Variants in AAK1 observed in about 807,000 individuals in gnomAD.
AAK1 encodes AP2-associated protein kinase 1.
A neutral mutation model predicts 116.0 loss-of-function variants in AAK1; 37 were observed. That is an observed-to-expected ratio of 0.32 (90% CI 0.25 to 0.42). The LOEUF (loss-of-function observed/expected upper bound fraction) is 0.42, where lower values mean the gene tolerates loss of function less well. AAK1 is among the 10% of genes least tolerant of loss of function. The probability of loss-of-function intolerance (pLI) is 1.00; values close to 1 mark genes in which losing one functional copy is unlikely to be tolerated. For missense variants in AAK1, 919 were observed against 1,170.6 expected (o/e 0.79, Z 3.14); for synonymous variants, 458 against 439.9 (o/e 1.04, Z -0.51).
chr2:69,479,065 A>G lies in AAK1; in HGVS notation c.2570-4T>C. On this transcript the variant is annotated splice_polypyrimidine_tract_variant and splice_region_variant and intron_variant, in intron 19 of 21. Transcript: ENST00000409085. ...GAATCTTCCCCGGTGAGAGAATCTG[A>G]GTCCAGATTAACAGCATCCCAGGTC... 1 of 1,589,756 alleles carries G rather than the reference A, an allele frequency of 6.3e-7. No homozygotes were observed. The highest frequency in any genetic ancestry group is 8.6e-7 in the Non-Finnish European group (1 of 1,157,864).
rs192555992 is a variant in AAK1, at chr2:69,552,746, T to C, written c.282+4114A>G. ...AAAAAAAAAAACTCAAAATGGCTCA[T>C]AGGTTTAAATGTAAGACTATAAAAC... On this transcript the variant is annotated intron_variant, in intron 3 of 21. Transcript: ENST00000409085. 7.8e-4 allele frequency among the ~76,000 whole-genome samples: 118 copies of C among 151,416 alleles called. 1 individual carries two copies. Among genetic ancestry groups the C allele is most frequent in the Non-Finnish European group, 1.2e-3 (83 of 67,866 alleles).
At chr2:69,554,433 A>G (rs555199924) in intron 3 of AAK1, among the ~76,000 whole-genome samples, 3 of 152,252 alleles carry the variant, frequency 2.0e-5, no homozygotes, top group Non-Finnish European at 4.4e-5. Context: ...GTTACATAGG[A>G]AAGGCATAGG....
rs1480733344 is a variant in AAK1, at chr2:69,514,533, C to T, written c.1714G>A (p.Gly572Arg). The part of the protein sequence containing the change: ...ALQQKPTMAA[G>R]QQPQPQPAAA... ...GCTGGCTGTGGCTGGGGCTGCTGTC[C>T]TGCTGCCATAGTGGGCTTTTGCTGC... The change falls in exon 13 of 22, where the codon GGA becomes AGA. Residue 572 changes from glycine (G) to arginine (R), a missense_variant. Around this residue, in one of 4 missense-constraint regions of AAK1, gnomAD observed 214 missense variants for 210.6 expected, o/e 1.02. Coordinates refer to ENST00000409085, the MANE Select transcript of AAK1 (RefSeq NM_014911.5). 6.4e-7 allele frequency: 1 copy of T among 1,551,920 alleles called. No homozygotes were observed. Among genetic ancestry groups the T allele is most frequent in the Non-Finnish European group, 8.7e-7 (1 of 1,147,344 alleles).
At chr2:69,491,538 A>G (rs1447758803) in intron 17 of AAK1, among the ~76,000 whole-genome samples, 2 of 152,218 alleles carry the variant, frequency 1.3e-5, no homozygotes, top group African/African-American at 2.4e-5. Context: ...CCATAGTTTG[A>G]CAATCACTGT....
intron 5 of AAK1, among the ~76,000 whole-genome samples, chr2:69,538,740 C>A (rs773424181): frequency 5.9e-5 from 9 of 151,978 alleles, no homozygotes; most frequent in Non-Finnish European, 1.2e-4. Context: ...AAATTAGCCA[C>A]GCGTGGTGGC....
chr2:69,624,422 T>C (rs189127194), intron 2 of AAK1, among the ~76,000 whole-genome samples: 26 of 152,362 alleles, frequency 1.7e-4, no homozygotes, highest in African/African-American at 5.8e-4. Context: ...CTGCAATCTA[T>C]TGCTAAGTGA....
At chr2:69,591,475 A>T (rs1673020548) in intron 2 of AAK1, among the ~76,000 whole-genome samples, 1 of 152,096 alleles carries the variant, frequency 6.6e-6, no homozygotes, top group Non-Finnish European at 1.5e-5. Flanking sequence ...TTCTAGAGCC[A>T]ACGGGGTTAA....
At chr2:69,513,224 A>C (rs1365218758) in intron 13 of AAK1, among the ~76,000 whole-genome samples, 2 of 152,254 alleles carry the variant, frequency 1.3e-5, no homozygotes, top group Admixed American at 6.5e-5. Flanking sequence ...GACTTAAAGA[A>C]GACAATCTAC....
In AAK1 at chr2:69,466,199, C is replaced by T; in HGVS notation, c.*9670G>A. On this transcript the variant is annotated 3_prime_UTR_variant, in exon 22 of 22. Coordinates refer to ENST00000409085, the MANE Select transcript of AAK1 (RefSeq NM_014911.5). ...GGTTCTTTCTTCCACCTTGCACTGT[C>T]TTTGCTTGCTCAGGAGAGACTTCTG... 7.8e-7 allele frequency: 1 copy of T among 1,289,830 alleles called. No homozygotes were observed. Among genetic ancestry groups the T allele is most frequent in the Non-Finnish European group, 1.0e-6 (1 of 988,878 alleles). The allele number at this position is 1,289,830 out of a possible 1,614,324, so 79.9% of individuals were successfully genotyped here.
intron 10 of AAK1, 96 bp downstream of exon 10, chr2:69,524,937 T>G: frequency 2.4e-6 from 3 of 1,227,460 alleles, no homozygotes; most frequent in Non-Finnish European, 3.6e-6. Context: ...CAGCCCCTGG[T>G]CATGACAGCA....
chr2:69,547,726 AC>A (rs775898329), intron 3 of AAK1, among the ~76,000 whole-genome samples: 28 of 152,332 alleles, frequency 1.8e-4, no homozygotes, highest in Non-Finnish European at 3.8e-4. Context: ...TTATCATATG[AC>A]CTAGCAATTT....
intron 2 of AAK1, among the ~76,000 whole-genome samples, chr2:69,572,061 G>A (rs1172376941): frequency 1.3e-5 from 2 of 152,196 alleles, no homozygotes; most frequent in African/African-American, 2.4e-5. Context: ...AAGAAGGTAA[G>A]TTTCCAAGAA....
chr2:69,531,939 T>A, intron 6 of AAK1, 102 bp downstream of exon 6: 1 of 1,516,462 alleles, frequency 6.6e-7, no homozygotes, highest in Non-Finnish European at 9.0e-7. Context: ...GACAACTGAC[T>A]ATCACCATTC....
At chr2:69,595,037 G>A (rs553764326) in intron 2 of AAK1, 14 of 741,580 alleles carry the variant, frequency 1.9e-5, no homozygotes, top group East Asian at 1.8e-4. Flanking sequence ...CAAGTCCAGC[G>A]GGTTTTAGGA....
In AAK1 at chr2:69,489,904, T is replaced by C. The variant is rs143817040; in HGVS notation, c.2365+6081A>G. On this transcript the variant is annotated intron_variant, in intron 17 of 21. Coordinates refer to ENST00000409085, the MANE Select transcript of AAK1 (RefSeq NM_014911.5). ...CTTTCCAGAGTAAAAACACATATTA[T>C]GATCAACCTTGGACTTCTCAGTATC... is the stretch of plus-strand genomic sequence containing the variant. Among the ~76,000 whole-genome samples the C allele has an allele frequency of 3.5e-3, 532 of 152,266 alleles. 6 individuals carry two copies. Among genetic ancestry groups the C allele is most frequent in the African/African-American group, 0.012 (515 of 41,568 alleles).
At chr2:69,591,320 C>G (rs1444340812) in intron 2 of AAK1, among the ~76,000 whole-genome samples, 2 of 152,110 alleles carry the variant, frequency 1.3e-5, no homozygotes, top group Admixed American at 6.5e-5. Flanking sequence ...TACTGACCAA[C>G]ACCACTGTGA....
intron 2 of AAK1, among the ~76,000 whole-genome samples, chr2:69,566,593 T>C (rs1048846093): frequency 6.6e-6 from 1 of 152,158 alleles, no homozygotes; most frequent in Non-Finnish European, 1.5e-5. Context: ...AGGCTGAACA[T>C]GGCACACTGG....
intron 3 of AAK1, among the ~76,000 whole-genome samples, chr2:69,550,706 C>T (rs1222309179): frequency 6.6e-6 from 1 of 152,084 alleles, no homozygotes; most frequent in Non-Finnish European, 1.5e-5. Flanking sequence ...ACCCGCACCT[C>T]CCCGGCTCAA....
At chr2:69,534,977 C>T (rs1236037164) in intron 5 of AAK1, among the ~76,000 whole-genome samples, 1 of 152,226 alleles carries the variant, frequency 6.6e-6, no homozygotes, top group Admixed American at 6.5e-5. Context: ...TATGCCTGTG[C>T]ATCTCCCATA....
Sources: allele counts gnomAD v4.1 joint callset (sites outside exome capture counted in the v4.1 genomes callset), GRCh38; gene constraint gnomAD v4.1.1; regional missense constraint gnomAD v4.1.1; transcripts MANE v1.5; gene names NCBI Gene and HGNC (gene_info 2026-07-23, HGNC 2026-07-21).